Variants in STARD10 observed in about 807,000 individuals in gnomAD.
The protein encoded by STARD10 is StAR related lipid transfer domain containing 10.
A neutral mutation model predicts 36.0 loss-of-function variants in STARD10; 24 were observed. That is an observed-to-expected ratio of 0.67 (90% CI 0.48 to 0.94). The LOEUF is 0.94. Among genes scored for constraint, STARD10 ranks in the 40% least tolerant of loss-of-function variants. The probability of loss-of-function intolerance (pLI) is 0.00; values close to 1 mark genes in which losing one functional copy is unlikely to be tolerated. For synonymous variants in STARD10, 156 were observed against 161.9 expected (o/e 0.96, Z 0.28); for missense variants, 335 against 396.6 (o/e 0.84, Z 1.32).
At chr11:72,787,631 T>TG (rs1312011329) in intron 1 of STARD10, among the ~76,000 whole-genome samples, 1 of 152,220 alleles carries the variant, frequency 6.6e-6, no homozygotes, top group Non-Finnish European at 1.5e-5. Flanking sequence ...TCAGTTCGAT[T>TG]GCGGGGTCGA....
intron 2 of STARD10, among the ~76,000 whole-genome samples, chr11:72,771,346 T>A (rs181729933): frequency 8.6e-5 from 13 of 151,974 alleles, no homozygotes; most frequent in African/African-American, 2.7e-4. Flanking sequence ...GGCATGGGGG[T>A]TGGAAGGACA....
rs765135516 is a variant in STARD10, at chr11:72,757,837, C to T, written c.507G>A (p.Thr169=). The part of the protein sequence containing the change: ...KDLVRAVSIQ[T]GYLIQSTGPK... ...GCCCTGTGCTCTGGATGAGGTAGCC[C>T]GTCTGGATGGACACAGCTCGGACCA... The change falls in exon 5 of 7, where the codon ACG becomes ACA. Residue 169 remains threonine (T), a synonymous_variant. Transcript: ENST00000334805. 9 of 1,614,036 alleles carry T rather than the reference C, an allele frequency of 5.6e-6. No homozygotes were observed. The highest frequency in any genetic ancestry group is 3.3e-5 in the Admixed American group (2 of 60,002).
chr11:72,781,066 G>A lies in STARD10; in HGVS notation c.116C>T (p.Ala39Val), dbSNP rs1591270709. The stretch of plus-strand genomic sequence containing the variant: ...ATAGGTCAGGTTCCAGCCCACCTCA[G>A]CCTCACACTCTGACCGGAAGCTGCG... ...DFRSFRSECE[A>V]EVGWNLTYSR... is the part of the protein sequence containing the mutation. The change falls in exon 2 of 7, where the codon GCT becomes GTT. Residue 39 changes from alanine to valine, a missense_variant. By Grantham distance (64) the Ala-to-Val change is moderately conservative. Transcript: ENST00000334805. This position sits in a 1 kb window ranked among gnomAD's most constrained non-coding sequence, Gnocchi z 4.7. The A allele has an allele frequency of 6.2e-7, 1 of 1,614,046 alleles. No individual in the cohort carries two copies. Among genetic ancestry groups the A allele is most frequent in the Non-Finnish European group, 8.5e-7 (1 of 1,180,052 alleles).
At chr11:72,759,538 C>T (rs1858689657) in intron 2 of STARD10, among the ~76,000 whole-genome samples, 157 bp from the exon 3 acceptor site, 2 of 152,156 alleles carry the variant, frequency 1.3e-5, no homozygotes, top group Admixed American at 1.3e-4. Context: ...GCCACAAGCC[C>T]TGTCCAGCTC....
chr11:72,768,146 C>G (rs553869608), intron 2 of STARD10, among the ~76,000 whole-genome samples: 1 of 152,324 alleles, frequency 6.6e-6, no homozygotes, highest in African/African-American at 2.4e-5. Context: ...TCACAGCCCA[C>G]AGCCAGGCCC....
chr11:72,754,863 C>T lies in STARD10; in HGVS notation c.*34G>A, dbSNP rs758510876. On this transcript the variant is annotated 3_prime_UTR_variant, in exon 7 of 7. Coordinates refer to ENST00000334805, the MANE Select transcript of STARD10 (RefSeq NM_006645.3). ...AGCGGCCGCCGCCCCAGGGCTCGCC[C>T]GGTCCTGTCTCCGTCCCTGAAGCGG... is the stretch of plus-strand genomic sequence containing the variant. 11 of 1,583,046 alleles carry T rather than the reference C, an allele frequency of 6.9e-6. No individual in the cohort carries two copies. In the South Asian group the frequency reaches 1.0e-4, roughly 14 times the overall value.
intron 2 of STARD10, among the ~76,000 whole-genome samples, chr11:72,764,980 C>G (rs11235586): frequency 0.13 from 20,041 of 152,216 alleles, 1,802 homozygotes; most frequent in African/African-American, 0.25. Flanking sequence ...TTTGAGAAAA[C>G]AGGCCAGCCA....
At chr11:72,770,159 T>G (rs1050656548) in intron 2 of STARD10, among the ~76,000 whole-genome samples, 3 of 152,244 alleles carry the variant, frequency 2.0e-5, no homozygotes, top group African/African-American at 4.8e-5. Context: ...TTTTTCTTTT[T>G]TGGATTCTCA....
At position 72,781,257 on chromosome 11, in the gene STARD10, C is replaced by G. The variant is rs1591270858; in HGVS notation, c.-76G>C. 6 of 1,342,462 alleles carry G rather than the reference C, an allele frequency of 4.5e-6. No homozygotes were observed. The highest frequency in any genetic ancestry group is 3.7e-5 in the South Asian group (3 of 80,202). The allele number at this position is 1,342,462 out of a possible 1,614,324, so 83.2% of individuals were successfully genotyped here. A position where few individuals can be genotyped will look rare whatever the true frequency, so the allele number is the denominator to read the frequency against. On this transcript the variant is annotated 5_prime_UTR_variant, in exon 2 of 7. Transcript: ENST00000334805. The surrounding 1 kb of genome is among the most constrained non-coding windows in gnomAD (Gnocchi z 4.7). The stretch of plus-strand genomic sequence containing the variant: ...TCCTCCGCGGAGGCTCCGACAACGT[C>G]GACGCGGCTGCAGATGCTGACGCCA...
chr11:72,791,079 G>C (rs1859137479), intron 1 of STARD10, among the ~76,000 whole-genome samples: 1 of 152,190 alleles, frequency 6.6e-6, no homozygotes, highest in Admixed American at 6.5e-5. Flanking sequence ...TTAATTTATA[G>C]GTAAACCTTG....
intron 2 of STARD10, among the ~76,000 whole-genome samples, chr11:72,776,030 G>A (rs1393343919): frequency 6.6e-6 from 1 of 152,106 alleles, no homozygotes; most frequent in East Asian, 1.9e-4. Flanking sequence ...CTGACTACCT[G>A]GGGTCATGCT....
intron 2 of STARD10, among the ~76,000 whole-genome samples, chr11:72,777,873 G>A (rs531071170): frequency 6.6e-6 from 1 of 152,310 alleles, no homozygotes; most frequent in African/African-American, 2.4e-5. Flanking sequence ...TCAGGAGCAC[G>A]GGGCATGTCC....
intron 2 of STARD10, among the ~76,000 whole-genome samples, chr11:72,773,019 G>C (rs556189440): frequency 6.6e-6 from 1 of 152,348 alleles, no homozygotes; most frequent in African/African-American, 2.4e-5. Context: ...TTAAGAGCAG[G>C]ACCCAGGTCT....
rs1467737674 is a variant in STARD10, at chr11:72,781,718, C to G, written c.-113-424G>C. 1.0e-4 allele frequency: 15 copies of G among 148,064 alleles called. No homozygotes were observed. Among genetic ancestry groups the G allele is most frequent in the Admixed American group, 1.0e-3 (15 of 14,900 alleles). The allele number at this position is 148,064 out of a possible 1,614,324, so 9.2% of individuals were successfully genotyped here. The stretch of plus-strand genomic sequence containing the variant: ...GGGGCCGGGGTGCCAGCGCCGCCGC[C>G]GCAGCTGCCCGGGAGACCCGGGGCC... On this transcript the variant is annotated intron_variant, in intron 1 of 6. Transcript: ENST00000334805. The surrounding 1 kb of genome is among the most constrained non-coding windows in gnomAD (Gnocchi z 4.7).
At chr11:72,764,339 G>A (rs571680184) in intron 2 of STARD10, among the ~76,000 whole-genome samples, 79 of 152,344 alleles carry the variant, frequency 5.2e-4, no homozygotes, top group African/African-American at 1.8e-3. Context: ...GACAGTGGCC[G>A]GAGCATGCAG....
intron 2 of STARD10, among the ~76,000 whole-genome samples, chr11:72,762,667 A>G (rs1858736631): frequency 6.6e-6 from 1 of 152,162 alleles, no homozygotes; most frequent in South Asian, 2.1e-4. Context: ...GAGATGTCCT[A>G]AAGTGCTCAT....
intron 2 of STARD10, among the ~76,000 whole-genome samples, chr11:72,764,197 T>C (rs1049670532): frequency 1.3e-5 from 2 of 152,026 alleles, no homozygotes; most frequent in Non-Finnish European, 2.9e-5. Context: ...GGCTCAGTGC[T>C]CCCAGGGCCC....
intron 6 of STARD10, 38 bp downstream of exon 6, chr11:72,755,663 T>A (rs1405771869): frequency 6.8e-6 from 11 of 1,610,478 alleles, no homozygotes; most frequent in Non-Finnish European, 9.3e-6. Flanking sequence ...CTCTTTCCAG[T>A]CTTCAACACC....
chr11:72,781,715 C>T lies in STARD10; in HGVS notation c.-113-421G>A, dbSNP rs1859000908. 6.7e-6 allele frequency: 1 copy of T among 148,160 alleles called. No homozygotes were observed. The highest frequency in any genetic ancestry group is 1.5e-5 in the Non-Finnish European group (1 of 66,484). 9.2% of individuals were successfully genotyped at this position (148,160 alleles called of 1,614,324 possible). ...GCCGGGGCCGGGGTGCCAGCGCCGCCGCCGCAGCTGCCCGGGAGACCCGGG... is the reference window on the plus strand; with the variant it reads ...GCCGGGGCCGGGGTGCCAGCGCCGCTGCCGCAGCTGCCCGGGAGACCCGGG... On this transcript the variant is annotated intron_variant, in intron 1 of 6. Transcript: ENST00000334805. This position sits in a 1 kb window ranked among gnomAD's most constrained non-coding sequence, Gnocchi z 4.7.
Sources: gnomAD v4.1 joint callset for allele counts (sites outside exome capture counted in the v4.1 genomes callset) on GRCh38, gnomAD v4.1.1 for gene constraint, Gnocchi (gnomAD v3.1) non-coding constraint, MANE v1.5 for transcripts, NCBI Gene and HGNC (gene_info 2026-07-23, HGNC 2026-07-21) for gene names.